LRMDA: variants seen among roughly 807,000 people sequenced by gnomAD.
LRMDA encodes leucine rich melanocyte differentiation associated.
Under a neutral mutation model 29.8 loss-of-function variants are expected in LRMDA, and 18 were observed. The ratio of observed to expected loss-of-function variants is 0.60; its 90% CI spans 0.42 to 0.90. The LOEUF (loss-of-function observed/expected upper bound fraction) is 0.90. Ranked by LOEUF, LRMDA falls within the 40% of genes least tolerant of loss-of-function variation. The pLI, the probability that LRMDA is intolerant of heterozygous loss-of-function variation, is 0.00. For missense variants in LRMDA, 273 were observed against 273.9 expected (o/e 1.00, Z 0.02); for synonymous variants, 125 against 109.4 (o/e 1.14, Z -0.89).
intron 2 of LRMDA, among the ~76,000 whole-genome samples, chr10:75,532,341 A>G (rs1485206313): frequency 5.3e-5 from 8 of 152,104 alleles, no homozygotes; most frequent in Non-Finnish European, 5.9e-5. Flanking sequence ...CTTGTGCCAA[A>G]TTCTGGAATT....
chr10:76,034,668 T>C (rs2132505309), intron 2 of LRMDA, among the ~76,000 whole-genome samples: 1 of 152,358 alleles, frequency 6.6e-6, no homozygotes, highest in South Asian at 2.1e-4. Flanking sequence ...GGGAAAGATC[T>C]GGTGCTGAAG....
At chr10:76,459,687 G>T (rs183546504) in intron 6 of LRMDA, among the ~76,000 whole-genome samples, 1 of 152,156 alleles carries the variant, frequency 6.6e-6, no homozygotes, top group Admixed American at 6.5e-5. Context: ...TCAGAGATGC[G>T]TGTTTATAAC....
intron 2 of LRMDA, among the ~76,000 whole-genome samples, chr10:75,566,143 T>G (rs181247559): frequency 3.5e-4 from 53 of 152,320 alleles, no homozygotes; most frequent in African/African-American, 1.2e-3. Flanking sequence ...GCTTTTAGGA[T>G]GGAGGGCTTC....
intron 5 of LRMDA, among the ~76,000 whole-genome samples, chr10:76,224,218 T>A (rs1851906324): frequency 1.3e-5 from 2 of 151,530 alleles, no homozygotes; most frequent in South Asian, 4.2e-4. Flanking sequence ...GAACCAGTGA[T>A]GTGGTAAAGC....
chr10:75,930,311 C>A (rs1846185970), intron 2 of LRMDA, among the ~76,000 whole-genome samples: 3 of 151,404 alleles, frequency 2.0e-5, no homozygotes, highest in Admixed American at 1.3e-4. Flanking sequence ...TGAGCTTAGG[C>A]CTTTTATAGA....
chr10:76,188,657 G>T (rs1589368911), intron 5 of LRMDA, among the ~76,000 whole-genome samples: 1 of 152,260 alleles, frequency 6.6e-6, no homozygotes, highest in South Asian at 2.1e-4. Flanking sequence ...TCACGTTCTG[G>T]GCCATGTGTA....
At chr10:75,679,667 A>G (rs1214244471) in intron 2 of LRMDA, among the ~76,000 whole-genome samples, 1 of 152,200 alleles carries the variant, frequency 6.6e-6, no homozygotes, top group Non-Finnish European at 1.5e-5. Flanking sequence ...ACCACATACT[A>G]ACATTCTGAT....
chr10:75,621,222 ACACC>A (rs1211531986), intron 2 of LRMDA, among the ~76,000 whole-genome samples: 62 of 134,052 alleles, frequency 4.6e-4, no homozygotes, highest in African/African-American at 1.6e-3. Flanking sequence ...ACACACACAC[ACACC>A]CACACACCCA....
intron 2 of LRMDA, among the ~76,000 whole-genome samples, chr10:75,668,475 A>G (rs1031976115): frequency 9.9e-5 from 15 of 152,078 alleles, no homozygotes; most frequent in African/African-American, 2.9e-4. Flanking sequence ...GTCAGGAAAC[A>G]TTTGTTGGTT....
intron 6 of LRMDA, among the ~76,000 whole-genome samples, chr10:76,554,349 G>A (rs1843529018): frequency 6.6e-6 from 1 of 152,208 alleles, no homozygotes; most frequent in Non-Finnish European, 1.5e-5. Flanking sequence ...AGATCAGGCT[G>A]TTGCCAGCAC....
At chr10:75,740,878 ATATAG>A (rs1842820417) in intron 2 of LRMDA, among the ~76,000 whole-genome samples, 1 of 152,154 alleles carries the variant, frequency 6.6e-6, no homozygotes, top group Non-Finnish European at 1.5e-5. Context: ...TATTGCATTG[ATATAG>A]TATGGTGTAC....
intron 2 of LRMDA, among the ~76,000 whole-genome samples, chr10:75,981,530 G>A (rs1847170277): frequency 6.6e-6 from 1 of 152,154 alleles, no homozygotes; most frequent in South Asian, 2.1e-4. Flanking sequence ...GCTTTGATTG[G>A]ACAATATTAT....
chr10:75,629,063 G>C (rs1841291660), intron 2 of LRMDA, among the ~76,000 whole-genome samples: 1 of 152,186 alleles, frequency 6.6e-6, no homozygotes, highest in South Asian at 2.1e-4. Flanking sequence ...ACCCAAACCT[G>C]TAAGTGAGAA....
chr10:76,251,759 G>A (rs917981194), intron 5 of LRMDA, among the ~76,000 whole-genome samples: 2 of 152,188 alleles, frequency 1.3e-5, no homozygotes, highest in African/African-American at 4.8e-5. Context: ...CATTCAAGGA[G>A]CATGTTTATC....
At chr10:75,855,922 A>G (rs1844817913) in intron 2 of LRMDA, among the ~76,000 whole-genome samples, 1 of 152,092 alleles carries the variant, frequency 6.6e-6, no homozygotes, top group Non-Finnish European at 1.5e-5. Flanking sequence ...CCATTGGCCT[A>G]TATCTCTGTT....
chr10:76,365,756 C>G (rs1023736228), intron 6 of LRMDA, among the ~76,000 whole-genome samples: 1 of 152,176 alleles, frequency 6.6e-6, no homozygotes, highest in African/African-American at 2.4e-5. Context: ...TTAGTTAGGT[C>G]TCAGCTATTT....
intron 6 of LRMDA, among the ~76,000 whole-genome samples, chr10:76,426,179 C>G (rs936770324): frequency 6.6e-6 from 1 of 152,240 alleles, no homozygotes; most frequent in Non-Finnish European, 1.5e-5. Flanking sequence ...AATCACCACA[C>G]TGACTTCCAC....
rs747358433 is a variant in LRMDA, at chr10:75,497,617, CT to C, written c.131+59124del. 1.2e-3 allele frequency among the ~76,000 whole-genome samples: 181 copies of C among 151,724 alleles called. 1 individual carries two copies. In the East Asian group the frequency reaches 0.027, roughly 23 times the overall value. Reference sequence around the variant, plus strand: ...TCCCTTCCTAGCTAATTCCTGCTCCCTCCCCTCCATAGGCAATTGCTCTTTT... The same window carrying C: ...TCCCTTCCTAGCTAATTCCTGCTCCCCCCCTCCATAGGCAATTGCTCTTTT... On this transcript the variant is annotated intron_variant, in intron 2 of 6. Coordinates refer to ENST00000611255, the MANE Select transcript of LRMDA (RefSeq NM_001305581.2).
rs1852155649 is a variant in LRMDA, at chr10:76,236,558, C to T, written c.517-87843C>T. Among the ~76,000 whole-genome samples, 5 of 152,206 alleles carry T rather than the reference C, an allele frequency of 3.3e-5. No individual in the cohort carries two copies. The South Asian group carries it at 1.0e-3, about 32-fold the overall frequency. ...CTCTTTAACCAATCAATGGTCTCCA[C>T]ACTTTGGCCCGCTCCCAGACCTTTA... On this transcript the variant is annotated intron_variant, in intron 5 of 6. Transcript: ENST00000611255.
Sources: gnomAD v4.1 joint callset for allele counts (sites outside exome capture counted in the v4.1 genomes callset) on GRCh38, gnomAD v4.1.1 for gene constraint, MANE v1.5 for transcripts, NCBI Gene and HGNC (gene_info 2026-07-23, HGNC 2026-07-21) for gene names.